CLSTN2: variants seen among roughly 807,000 people sequenced by gnomAD.
CLSTN2 encodes the protein calsyntenin 2, also known as calsyntenin-2.
Under a neutral mutation model 101.2 loss-of-function variants are expected in CLSTN2, and 48 were observed. The observed-to-expected ratio is 0.47, with a 90% CI of 0.38 to 0.60. CLSTN2 has a LOEUF of 0.60. CLSTN2 is among the 20% of genes least tolerant of loss of function. The pLI is 0.00. For synonymous variants in CLSTN2, 481 were observed against 463.6 expected (o/e 1.04, Z -0.48); for missense variants, 1,160 against 1,238.2 (o/e 0.94, Z 0.95).
At chr3:140,295,917 A>G (rs2086998506) in intron 2 of CLSTN2, among the ~76,000 whole-genome samples, 1 of 152,236 alleles carries the variant, frequency 6.6e-6, no homozygotes, top group Non-Finnish European at 1.5e-5. Flanking sequence ...GGTTTTAAGC[A>G]GCTAAAAGAC....
chr3:140,022,035 G>GA lies in CLSTN2; in HGVS notation c.109+86560dup, dbSNP rs113855083. 9.9e-5 allele frequency among the ~76,000 whole-genome samples: 15 copies of GA among 152,076 alleles called. 1 individual carries two copies. Among genetic ancestry groups the GA allele is most frequent in the African/African-American group, 2.4e-4 (10 of 41,522 alleles). On this transcript the variant is annotated intron_variant, in intron 1 of 16. Coordinates refer to ENST00000458420, the MANE Select transcript of CLSTN2 (RefSeq NM_022131.3). ...ATGCTGAAGGCCAGGCTGTTTTGAT[G>GA]AAAAAAAATGGAAGCTTATGCTACG...
chr3:140,127,192 C>T (rs1349368485), intron 1 of CLSTN2, among the ~76,000 whole-genome samples: 1 of 152,014 alleles, frequency 6.6e-6, no homozygotes, highest in Non-Finnish European at 1.5e-5. Context: ...CAGATAGTAA[C>T]AATCTGTGTT....
chr3:140,368,087 G>C (rs2087812893), intron 2 of CLSTN2, among the ~76,000 whole-genome samples: 1 of 152,198 alleles, frequency 6.6e-6, no homozygotes, highest in South Asian at 2.1e-4. Flanking sequence ...TCTTTACTGA[G>C]CACCTAAAAT....
intron 2 of CLSTN2, among the ~76,000 whole-genome samples, chr3:140,377,042 A>ATG (rs61048276): frequency 0.92 from 138,332 of 149,814 alleles, 64,673 homozygotes; most frequent in East Asian, 1. Flanking sequence ...GAGAGAGAGG[A>ATG]TGTGTGTGTG....
intron 1 of CLSTN2, among the ~76,000 whole-genome samples, chr3:140,152,783 C>A (rs1412533219): frequency 1.1e-4 from 16 of 152,294 alleles, no homozygotes; most frequent in Admixed American, 7.8e-4. Flanking sequence ...ACTCCCCTTT[C>A]CTTCTGCTGT....
intron 2 of CLSTN2, among the ~76,000 whole-genome samples, chr3:140,359,023 A>C (rs1358547893): frequency 6.6e-6 from 1 of 152,032 alleles, no homozygotes; most frequent in Non-Finnish European, 1.5e-5. Flanking sequence ...AAGAGCAAAG[A>C]TCCTGTCGTT....
chr3:140,146,468 G>T (rs1264397586), intron 1 of CLSTN2, among the ~76,000 whole-genome samples: 1 of 152,232 alleles, frequency 6.6e-6, no homozygotes, highest in Non-Finnish European at 1.5e-5. Flanking sequence ...TTTTGTGGAG[G>T]AGTCTGTACT....
At chr3:140,008,424 T>C (rs937041224) in intron 1 of CLSTN2, among the ~76,000 whole-genome samples, 1 of 152,232 alleles carries the variant, frequency 6.6e-6, no homozygotes, top group Non-Finnish European at 1.5e-5. Context: ...ACACCTTCCA[T>C]ACTGGGCTGA....
chr3:140,324,937 C>T (rs2087317516), intron 2 of CLSTN2, among the ~76,000 whole-genome samples: 2 of 152,166 alleles, frequency 1.3e-5, no homozygotes, highest in African/African-American at 4.8e-5. Context: ...GCAAATGTAA[C>T]ACAAAATTGT....
At chr3:140,438,431 TAAAAAAAA>T (rs60186664) in intron 5 of CLSTN2, among the ~76,000 whole-genome samples, 1 of 45,678 alleles carries the variant, frequency 2.2e-5, no homozygotes, top group Non-Finnish European at 3.2e-5. Context: ...GTCCTTTCAT[TAAAAAAAA>T]AAAAAAAAAA....
intron 8 of CLSTN2, among the ~76,000 whole-genome samples, chr3:140,520,434 C>T (rs1365863751): frequency 6.6e-6 from 1 of 152,186 alleles, no homozygotes. Context: ...CTTCACAGGG[C>T]AGAGTCAGTG....
intron 2 of CLSTN2, among the ~76,000 whole-genome samples, chr3:140,248,449 C>G (rs1015314938): frequency 2.6e-5 from 4 of 152,176 alleles, no homozygotes; most frequent in African/African-American, 9.7e-5. Context: ...CTCCATTGGC[C>G]TGTGGGCAGA....
chr3:140,313,407 T>C (rs2087193787), intron 2 of CLSTN2, among the ~76,000 whole-genome samples: 1 of 152,136 alleles, frequency 6.6e-6, no homozygotes, highest in Admixed American at 6.5e-5. Flanking sequence ...GGAATTTTTT[T>C]TCCACCTAGG....
At chr3:140,427,234 T>TACAC (rs1576561547) in intron 5 of CLSTN2, among the ~76,000 whole-genome samples, 15 of 124,414 alleles carry the variant, frequency 1.2e-4, no homozygotes, top group Admixed American at 2.3e-4. Flanking sequence ...TGTGTGTATA[T>TACAC]ATATATATAT....
chr3:139,974,330 C>T (rs1935773759), intron 1 of CLSTN2, among the ~76,000 whole-genome samples: 1 of 152,032 alleles, frequency 6.6e-6, no homozygotes, highest in Non-Finnish European at 1.5e-5. Context: ...CTGGACTCAA[C>T]CAAGACATGT....
At chr3:139,983,444 A>T (rs928464023) in intron 1 of CLSTN2, among the ~76,000 whole-genome samples, 12 of 152,186 alleles carry the variant, frequency 7.9e-5, no homozygotes, top group Admixed American at 2.0e-4. Context: ...ATTCACTATC[A>T]TAAGGTTTAC....
At chr3:140,411,287 A>G (rs113206435) in intron 4 of CLSTN2, among the ~76,000 whole-genome samples, 15 of 152,366 alleles carry the variant, frequency 9.8e-5, no homozygotes, top group African/African-American at 3.6e-4. Context: ...ACTTATATCA[A>G]ACAAAATAGG....
intron 2 of CLSTN2, among the ~76,000 whole-genome samples, chr3:140,277,478 G>A (rs1483916236): frequency 2.0e-5 from 3 of 152,160 alleles, no homozygotes; most frequent in Non-Finnish European, 2.9e-5. Flanking sequence ...CCAAAGAGAG[G>A]CTATTGAAAG....
At chr3:140,312,253 A>G (rs1049984312) in intron 2 of CLSTN2, among the ~76,000 whole-genome samples, 2 of 152,246 alleles carry the variant, frequency 1.3e-5, no homozygotes, top group Admixed American at 1.3e-4. Flanking sequence ...TCCCAGTTAC[A>G]CAAAACTAAG....
Sources: allele counts gnomAD v4.1 joint callset (sites outside exome capture counted in the v4.1 genomes callset), GRCh38; gene constraint gnomAD v4.1.1; transcripts MANE v1.5; gene names NCBI Gene and HGNC (gene_info 2026-07-23, HGNC 2026-07-21).